Variants in CYRIA observed in about 807,000 individuals in gnomAD.
The protein encoded by CYRIA is CYFIP-related Rac1 interactor A.
Under a neutral mutation model 43.9 loss-of-function variants are expected in CYRIA, and 15 were observed. The observed-to-expected ratio is 0.34, with a 90% CI of 0.23 to 0.53. The LOEUF (loss-of-function observed/expected upper bound fraction) is 0.53. Ranked by LOEUF, CYRIA falls within the 20% of genes least tolerant of loss-of-function variation. CYRIA has a pLI of 0.94. For missense variants in CYRIA, 236 were observed against 394.2 expected, an observed-to-expected ratio of 0.60 and a Z score of 3.40; for synonymous variants, 117 against 136.0, an observed-to-expected ratio of 0.86 and a Z score of 0.97.
At chr2:16,646,790 T>A (rs764790499) in intron 1 of CYRIA, among the ~76,000 whole-genome samples, 1 of 152,006 alleles carries the variant, frequency 6.6e-6, no homozygotes, top group Non-Finnish European at 1.5e-5. Context: ...AACAGATCCC[T>A]TGAAGGCCTG....
At chr2:16,619,346 C>CGTAG (rs1668917692) in intron 2 of CYRIA, among the ~76,000 whole-genome samples, 6 of 152,096 alleles carry the variant, frequency 3.9e-5, no homozygotes, top group Non-Finnish European at 5.9e-5. Flanking sequence ...TACATACACA[C>CGTAG]GTACATAAAA....
chr2:16,624,942 G>T (rs78016896), intron 1 of CYRIA, among the ~76,000 whole-genome samples: 2,468 of 152,302 alleles, frequency 0.016, 62 homozygotes, highest in African/African-American at 0.056. Context: ...GAGTCAAAAA[G>T]AGATACAATG....
At chr2:16,567,938 G>C (rs1022718630) in intron 3 of CYRIA, among the ~76,000 whole-genome samples, 8 of 152,104 alleles carry the variant, frequency 5.3e-5, no homozygotes, top group African/African-American at 1.9e-4. Context: ...CATGAAGAGA[G>C]CACAGCTTGG....
chr2:16,582,280 T>C (rs1667578167), intron 3 of CYRIA, among the ~76,000 whole-genome samples: 1 of 152,226 alleles, frequency 6.6e-6, no homozygotes, highest in Non-Finnish European at 1.5e-5. Context: ...AATGTCAGCA[T>C]TAGGCAGAAG....
chr2:16,559,383 T>C, intron 10 of CYRIA, 77 bp downstream of exon 10: 1 of 1,515,462 alleles, frequency 6.6e-7, no homozygotes, highest in Non-Finnish European at 8.9e-7. Context: ...GGTCCTGAGG[T>C]GCCTGAGGAA....
chr2:16,600,499 C>T (rs920319220), intron 2 of CYRIA, among the ~76,000 whole-genome samples: 11 of 152,170 alleles, frequency 7.2e-5, no homozygotes, highest in Non-Finnish European at 1.6e-4. Context: ...TGAGAGAAGA[C>T]ATGGCTTCCG....
chr2:16,611,592 T>C (rs1175573567), intron 2 of CYRIA, among the ~76,000 whole-genome samples: 1 of 152,096 alleles, frequency 6.6e-6, no homozygotes, highest in Non-Finnish European at 1.5e-5. Flanking sequence ...AGGTGCCTCA[T>C]CTGGACTAGA....
At chr2:16,610,368 T>A (rs973075754) in intron 2 of CYRIA, among the ~76,000 whole-genome samples, 2 of 152,246 alleles carry the variant, frequency 1.3e-5, no homozygotes, top group Non-Finnish European at 2.9e-5. Flanking sequence ...TATTATTAGA[T>A]GTTTTTGGGA....
intron 1 of CYRIA, among the ~76,000 whole-genome samples, chr2:16,637,400 A>G (rs1036502292): frequency 7.2e-5 from 11 of 152,144 alleles, no homozygotes; most frequent in African/African-American, 2.4e-4. Context: ...TTCTCAAAAG[A>G]GACACAACAG....
At chr2:16,630,938 A>T (rs2103521138) in intron 1 of CYRIA, among the ~76,000 whole-genome samples, 1 of 152,282 alleles carries the variant, frequency 6.6e-6, no homozygotes, top group South Asian at 2.1e-4. Flanking sequence ...CAGCAATAAG[A>T]CAAAAACCAA....
intron 10 of CYRIA, among the ~76,000 whole-genome samples, chr2:16,556,261 T>C (rs1386886867): frequency 6.6e-6 from 1 of 152,112 alleles, no homozygotes; most frequent in Non-Finnish European, 1.5e-5. Flanking sequence ...TGAGGATCAC[T>C]ACAGGTGCAT....
chr2:16,638,848 C>T (rs561783951), intron 1 of CYRIA, among the ~76,000 whole-genome samples: 1 of 152,178 alleles, frequency 6.6e-6, no homozygotes, highest in South Asian at 2.1e-4. Flanking sequence ...AGTGCCCTTA[C>T]TCAAGTGACT....
chr2:16,556,647 C>A (rs1467865882), intron 10 of CYRIA, among the ~76,000 whole-genome samples: 1 of 152,078 alleles, frequency 6.6e-6, no homozygotes, highest in Non-Finnish European at 1.5e-5. Context: ...CTGTGGAAAA[C>A]ATCCTTGATA....
intron 1 of CYRIA, among the ~76,000 whole-genome samples, chr2:16,639,082 G>A (rs2103532286): frequency 6.6e-6 from 1 of 152,316 alleles, no homozygotes; most frequent in African/African-American, 2.4e-5. Context: ...AATTGGGAGG[G>A]AGAGTATGAA....
At chr2:16,582,231 G>A (rs941714203) in intron 3 of CYRIA, among the ~76,000 whole-genome samples, 4 of 152,060 alleles carry the variant, frequency 2.6e-5, no homozygotes, top group African/African-American at 9.7e-5. Context: ...GGAGTTACCA[G>A]GAAAAGAAGA....
chr2:16,578,892 G>GTAT (rs1349184166), intron 3 of CYRIA, among the ~76,000 whole-genome samples: 1 of 152,046 alleles, frequency 6.6e-6, no homozygotes, highest in Admixed American at 6.6e-5. Flanking sequence ...TTAATGACAG[G>GTAT]TATTAATTCA....
chr2:16,556,327 GA>G (rs1293220682), intron 10 of CYRIA, among the ~76,000 whole-genome samples: 1 of 152,106 alleles, frequency 6.6e-6, no homozygotes, highest in Non-Finnish European at 1.5e-5. Flanking sequence ...CGGATTGGGA[GA>G]AGCTACAAGC....
intron 2 of CYRIA, among the ~76,000 whole-genome samples, chr2:16,601,783 T>C (rs185552842): frequency 6.6e-6 from 1 of 152,224 alleles, no homozygotes; most frequent in East Asian, 1.9e-4. Context: ...TATTTTTGTT[T>C]AGAAGAAAAA....
Position 16,598,896 on chromosome 2 carries a change from A to C in CYRIA, c.-10-10767T>G, listed in dbSNP as rs1284754246. On this transcript the variant is annotated intron_variant, in intron 2 of 11. Transcript: ENST00000381323. ...TTTTGGTCTTTGATGATGGTGATGT[A>C]CAGATGGGTTTTCAGTGTAGATGTC... Among the ~76,000 whole-genome samples, 161 of 123,676 alleles carry C rather than the reference A, an allele frequency of 1.3e-3. 7 individuals are homozygous for C. Among genetic ancestry groups the C allele is most frequent in the African/African-American group, 6.0e-3 (156 of 26,130 alleles). The allele number at this position is 123,676 out of a possible 152,430, so 81.1% of individuals were successfully genotyped here.
Sources: gnomAD v4.1 joint callset for allele counts (sites outside exome capture counted in the v4.1 genomes callset) on GRCh38, gnomAD v4.1.1 for gene constraint, MANE v1.5 for transcripts, NCBI Gene and HGNC (gene_info 2026-07-23, HGNC 2026-07-21) for gene names.